Variants in OLAH observed in about 807,000 individuals in gnomAD.
The protein encoded by OLAH is S-acyl fatty acid synthase thioesterase, medium chain.
A neutral mutation model predicts 27.8 loss-of-function variants in OLAH; 33 were observed. That is an observed-to-expected ratio of 1.19 (90% CI 0.90 to 1.59). The LOEUF (loss-of-function observed/expected upper bound fraction) is 1.59. OLAH is among the 40% of genes most tolerant of loss of function. The pLI is 0.00. For synonymous variants in OLAH, 120 were observed against 102.9 expected, an observed-to-expected ratio of 1.17 and a Z score of -1.01; for missense variants, 359 against 310.8, an observed-to-expected ratio of 1.16 and a Z score of -1.17.
At chr10:15,052,491 T>C (rs1161391292) in intron 3 of OLAH, among the ~76,000 whole-genome samples, 1 of 152,134 alleles carries the variant, frequency 6.6e-6, no homozygotes, top group Non-Finnish European at 1.5e-5. Context: ...CAGGCTGGTC[T>C]CAAACTCCTA....
At chr10:15,055,258 C>T (rs138316632) in intron 3 of OLAH, among the ~76,000 whole-genome samples, 6 of 152,256 alleles carry the variant, frequency 3.9e-5, no homozygotes, top group East Asian at 3.9e-4. Context: ...ATTTTCCTGA[C>T]GAGCAAGAAT....
At chr10:15,072,290 G>A (rs774470690) in intron 7 of OLAH, among the ~76,000 whole-genome samples, 17 of 151,734 alleles carry the variant, frequency 1.1e-4, no homozygotes, top group Admixed American at 2.0e-4. Context: ...ATATATTTAC[G>A]TTCGATGATT....
upstream of OLAH, among the ~76,000 whole-genome samples, chr10:15,042,859 T>TC (rs1449213092): frequency 7.3e-6 from 1 of 136,596 alleles, no homozygotes; most frequent in African/African-American, 2.8e-5. Context: ...CTTTTTTTTT[T>TC]TTTTTTTTTT....
chr10:15,039,892 C>T (rs115462051), upstream of OLAH, among the ~76,000 whole-genome samples: 671 of 152,306 alleles, frequency 4.4e-3, 4 homozygotes, highest in African/African-American at 0.016. Context: ...AAAAGGTCCC[C>T]TGTGCCAAGG....
chr10:15,071,875 A>G lies in OLAH; in HGVS notation c.653A>G (p.Glu218Gly). ...VGSEDIAKDM[E>G]AWKDVTSGNA... Reference sequence around the variant, plus strand: ...TCTGAAGACATAGCAAAGGACATGGAAGGTGAAATTATTTTTAGTCTCGAG... The same window carrying G: ...TCTGAAGACATAGCAAAGGACATGGGAGGTGAAATTATTTTTAGTCTCGAG... Residue 218 changes from glutamate (E) to glycine (G), a missense_variant and splice_region_variant, in exon 7 of 8, where the codon GAA becomes GGA. Physicochemically the swap from Glu to Gly is moderately conservative, Grantham distance 98 (BLOSUM62 -2). Coordinates refer to ENST00000378228, the MANE Select transcript of OLAH (RefSeq NM_001039702.3). 6.2e-7 allele frequency: 1 copy of G among 1,606,272 alleles called. No homozygotes were observed. The highest frequency in any genetic ancestry group is 8.5e-7 in the Non-Finnish European group (1 of 1,173,080).
intron 3 of OLAH, among the ~76,000 whole-genome samples, chr10:15,060,605 C>T (rs1844344014): frequency 6.6e-6 from 1 of 151,982 alleles, no homozygotes; most frequent in Non-Finnish European, 1.5e-5. Flanking sequence ...CTACGAGTTC[C>T]ATTTGGGTCT....
intron 1 of OLAH, among the ~76,000 whole-genome samples, chr10:15,037,766 C>G (rs1482337218): frequency 6.6e-6 from 1 of 152,108 alleles, no homozygotes; most frequent in Non-Finnish European, 1.5e-5. Context: ...GTAGAACTTG[C>G]CTGAATTCTC....
At chr10:15,059,005 T>A in intron 3 of OLAH, among the ~76,000 whole-genome samples, 1 of 102,558 alleles carries the variant, frequency 9.8e-6, no homozygotes, top group African/African-American at 3.8e-5. Flanking sequence ...CCCTCTCTCC[T>A]TCCCTCTCTC....
intron 1 of OLAH, among the ~76,000 whole-genome samples, chr10:15,046,531 G>A (rs886834664): frequency 1.3e-5 from 2 of 151,676 alleles, no homozygotes; most frequent in African/African-American, 2.4e-5. Flanking sequence ...GCAGTGGCGC[G>A]ATCTCAGCTC....
In OLAH at chr10:15,044,446, T is replaced by A. The variant is rs546108713; in HGVS notation, c.-164+460T>A. On this transcript the variant is annotated intron_variant, in intron 1 of 7. Transcript: ENST00000378228. ...GTATTTTAATTTTATATATATATATTTTTTTCTTTCTTTTTTTTTAAATTT... is the reference window on the plus strand; with the variant it reads ...GTATTTTAATTTTATATATATATATATTTTTCTTTCTTTTTTTTTAAATTT... 3.3e-3 allele frequency among the ~76,000 whole-genome samples: 506 copies of A among 151,440 alleles called. 2 individuals are homozygous for A. The highest frequency in any genetic ancestry group is 6.8e-3 in the Middle Eastern group (2 of 294).
chr10:15,054,087 GA>G, intron 3 of OLAH, among the ~76,000 whole-genome samples: 1 of 145,134 alleles, frequency 6.9e-6, no homozygotes, highest in Non-Finnish European at 1.5e-5. Flanking sequence ...CACCCAGGCT[GA>G]AGTTCAGTGG....
At chr10:15,054,764 A>AT (rs145347647) in intron 3 of OLAH, among the ~76,000 whole-genome samples, 5,431 of 152,214 alleles carry the variant, frequency 0.036, 324 homozygotes, top group African/African-American at 0.12. Context: ...ACTTTTAGTC[A>AT]TTTTTGAAAT....
rs930063347 is a variant in OLAH at position 15,050,832 on chromosome 10, C to A, written c.163+1067C>A. 2.0e-5 allele frequency among the ~76,000 whole-genome samples: 3 copies of A among 151,940 alleles called. 1 individual carries two copies. Among genetic ancestry groups the A allele is most frequent in the African/African-American group, 7.3e-5 (3 of 41,374 alleles). ...CTCGGATTACAGGCGTGAGCCACCGCGCCTGGCCCCAAAGTGCTAGGATTA... is the reference window on the plus strand; with the variant it reads ...CTCGGATTACAGGCGTGAGCCACCGAGCCTGGCCCCAAAGTGCTAGGATTA... On this transcript the variant is annotated intron_variant, in intron 3 of 7. Transcript: ENST00000378228.
At chr10:15,051,086 T>A (rs894970106) in intron 3 of OLAH, among the ~76,000 whole-genome samples, 26 of 147,944 alleles carry the variant, frequency 1.8e-4, no homozygotes, top group South Asian at 1.7e-3. Context: ...TTATTTTTTT[T>A]TTTTTTTGAG....
chr10:15,069,614 C>T (rs1187214395), intron 6 of OLAH, among the ~76,000 whole-genome samples: 1 of 152,174 alleles, frequency 6.6e-6, no homozygotes, highest in Non-Finnish European at 1.5e-5. Flanking sequence ...TGCCTGGAAT[C>T]CCAGCACCTT....
Position 15,071,836 on chromosome 10 carries a change from C to T in OLAH, c.614C>T (p.Thr205Ile), listed in dbSNP as rs1317964072. 2.5e-6 allele frequency: 4 copies of T among 1,613,656 alleles called. No individual in the cohort carries two copies. The highest frequency in any genetic ancestry group is 1.1e-5 in the South Asian group (1 of 91,080). The change falls in exon 7 of 8, where the codon ACA (threonine) becomes ATA (isoleucine). Residue 205 changes from threonine to isoleucine, a missense_variant. Transcript: ENST00000378228. ...AAGGCTGTTCTTTCCTGTGACTTGA[C>T]ATGTTTTGTTGGATCTGAAGACATA... is the stretch of plus-strand genomic sequence containing the variant. ...PSKAVLSCDL[T>I]CFVGSEDIAK...
Position 15,065,668 on chromosome 10 carries a change from C to G in OLAH, c.487C>G (p.Pro163Ala). Residue 163 changes from proline to alanine, a missense_variant, in exon 6 of 8, where the codon CCC (proline) becomes GCC (alanine). By Grantham distance (27) the Pro-to-Ala change is conservative. Coordinates refer to ENST00000378228, the MANE Select transcript of OLAH (RefSeq NM_001039702.3). ...SHYLMEFGGT[P>A]KHFAEAKEFV... is the part of the protein sequence containing the mutation. ...TTACCTTATGGAATTTGGAGGCACCCCCAAGCATTTTGCTGAAGCCAAGGA... is the reference window on the plus strand; with the variant it reads ...TTACCTTATGGAATTTGGAGGCACCGCCAAGCATTTTGCTGAAGCCAAGGA... 2 of 1,614,064 alleles carry G rather than the reference C, an allele frequency of 1.2e-6. No individual in the cohort carries two copies. Among genetic ancestry groups the G allele is most frequent in the South Asian group, 2.2e-5 (2 of 91,078 alleles).
At chr10:15,071,450 T>A in intron 6 of OLAH, 1 of 899,086 alleles carries the variant, frequency 1.1e-6, no homozygotes, top group Non-Finnish European at 1.3e-6. Flanking sequence ...AGCAACCCTC[T>A]GCTGGGCCAA....
At chr10:15,062,047 T>A in intron 4 of OLAH, 185 bp downstream of exon 4, 1 of 505,280 alleles carries the variant, frequency 2.0e-6, no homozygotes, top group South Asian at 4.8e-5. Flanking sequence ...CTATTTTTTT[T>A]CCTTTTAGGC....
Sources: gnomAD v4.1 joint callset for allele counts (sites outside exome capture counted in the v4.1 genomes callset) on GRCh38, gnomAD v4.1.1 for gene constraint, MANE v1.5 for transcripts, NCBI Gene and HGNC (gene_info 2026-07-23, HGNC 2026-07-21) for gene names.